The following ENOX2 variants were observed in gnomAD, a reference collection of about 807,000 sequenced individuals.
The protein encoded by ENOX2 is ecto-NOX disulfide-thiol exchanger 2.
Under a neutral mutation model 45.0 loss-of-function variants are expected in ENOX2, and 36 were observed. That is an observed-to-expected ratio of 0.80 (90% confidence interval 0.61 to 1.06). The LOEUF (loss-of-function observed/expected upper bound fraction) is 1.06. Ranked by LOEUF, ENOX2 falls within the 50% of genes least tolerant of loss-of-function variation. The pLI, the probability that ENOX2 is intolerant of heterozygous loss-of-function variation, is 0.00. For missense variants in ENOX2, 423 were observed against 462.5 expected (o/e 0.91, Z 0.78); for synonymous variants, 174 against 152.3 (o/e 1.14, Z -1.05).
intron 2 of ENOX2, among the ~76,000 whole-genome samples, chrX:130,879,063 G>T (rs995733925): frequency 2.7e-5 from 3 of 111,627 alleles, no homozygotes; most frequent in African/African-American, 9.8e-5. Context: ...AACTTCCAAT[G>T]AATAAGCTGG....
At chrX:130,706,715 T>C (rs1410984520) in intron 3 of ENOX2, among the ~76,000 whole-genome samples, 1 of 112,178 alleles carries the variant, frequency 8.9e-6, no homozygotes, top group Admixed American at 9.4e-5. Flanking sequence ...AAGCAGTCTA[T>C]ACAATGACAC....
intron 10 of ENOX2, among the ~76,000 whole-genome samples, chrX:130,648,587 T>C (rs1291674306): frequency 9.0e-6 from 1 of 111,478 alleles, no homozygotes; most frequent in Non-Finnish European, 1.9e-5. Flanking sequence ...AATATTGCTG[T>C]GGTTTGGTTA....
intron 2 of ENOX2, among the ~76,000 whole-genome samples, chrX:130,875,008 G>A (rs948708940): frequency 1.8e-5 from 2 of 111,779 alleles, no homozygotes; most frequent in African/African-American, 6.5e-5. Context: ...AGAAGTGTGT[G>A]AGTCACTAAA....
At chrX:130,693,720 C>T in intron 4 of ENOX2, among the ~76,000 whole-genome samples, 1 of 112,502 alleles carries the variant, frequency 8.9e-6, no homozygotes. Flanking sequence ...ATTCTCCTTC[C>T]ATCAAGGTAA....
intron 2 of ENOX2, among the ~76,000 whole-genome samples, chrX:130,784,738 C>A (rs373209222): frequency 3.3e-3 from 356 of 108,859 alleles, no homozygotes; most frequent in African/African-American, 0.011. Context: ...TAGGCATGCA[C>A]CACCATGCCT....
intron 2 of ENOX2, among the ~76,000 whole-genome samples, chrX:130,797,967 G>T (rs1010115546): frequency 1.8e-5 from 2 of 110,733 alleles, no homozygotes; most frequent in Admixed American, 1.9e-4. Flanking sequence ...AGACTTTAAG[G>T]CAGTGTGTCT....
intron 2 of ENOX2, among the ~76,000 whole-genome samples, chrX:130,798,251 T>C (rs1198430120): frequency 8.9e-6 from 1 of 112,011 alleles, no homozygotes; most frequent in Admixed American, 9.4e-5. Context: ...CGTCCATCTC[T>C]ACAAAAAGTA....
intron 3 of ENOX2, among the ~76,000 whole-genome samples, chrX:130,769,558 C>A (rs950228390): frequency 9.0e-5 from 10 of 111,167 alleles, no homozygotes; most frequent in Non-Finnish European, 1.7e-4. Flanking sequence ...AAATGTAGTC[C>A]CTTTAGAATT....
intron 2 of ENOX2, among the ~76,000 whole-genome samples, chrX:130,878,860 T>C (rs1457518280): frequency 8.9e-6 from 1 of 112,549 alleles, no homozygotes; most frequent in Non-Finnish European, 1.9e-5. Flanking sequence ...GAATCAAAAT[T>C]ACTTTTGATG....
intron 2 of ENOX2, among the ~76,000 whole-genome samples, chrX:130,897,042 G>A (rs2079067755): frequency 1.8e-5 from 2 of 112,001 alleles, no homozygotes; most frequent in Admixed American, 9.4e-5. Flanking sequence ...ACAGATTGCT[G>A]GAAAATACAT....
chrX:130,737,478 AC>A (rs1298968513), intron 3 of ENOX2, among the ~76,000 whole-genome samples: 4 of 112,517 alleles, frequency 3.6e-5, no homozygotes, highest in African/African-American at 1.3e-4. Context: ...ACACACACAC[AC>A]AACTTACTTC....
rs1445641983 is a variant in ENOX2, at chrX:130,624,844, G to A, written c.*470C>T. ...GTGTTATTTATTTACTGGTCTACTG[G>A]GGATTGGAAAGACAATGGCAGTTAC... On this transcript the variant is annotated 3_prime_UTR_variant, in exon 15 of 15. Transcript: ENST00000394363. 1 of 112,784 alleles carries A rather than the reference G, an allele frequency of 8.9e-6. No homozygotes were observed. The highest frequency in any genetic ancestry group is 3.2e-5 in the African/African-American group (1 of 30,925). The allele number at this position is 112,784 out of a possible 1,213,427, so 9.3% of individuals were successfully genotyped here.
intron 3 of ENOX2, among the ~76,000 whole-genome samples, chrX:130,711,412 G>GGGCTTTTGTA (rs2038186641): frequency 9.0e-6 from 1 of 110,730 alleles, no homozygotes; most frequent in Non-Finnish European, 1.9e-5. Flanking sequence ...GAACTGACAG[G>GGGCTTTTGTA]GGCTTTTGTA....
At chrX:130,750,159 G>A (rs770400264) in intron 3 of ENOX2, among the ~76,000 whole-genome samples, 6 of 111,389 alleles carry the variant, frequency 5.4e-5, no homozygotes, top group Non-Finnish European at 7.6e-5. Context: ...CTGTTTAAGT[G>A]TCCCTGTCTA....
chrX:130,867,059 CAT>C (rs2078502509), intron 2 of ENOX2, among the ~76,000 whole-genome samples: 1 of 111,093 alleles, frequency 9.0e-6, no homozygotes, highest in Non-Finnish European at 1.9e-5. Context: ...AAATCAAACA[CAT>C]GTCAACAGAA....
At chrX:130,819,666 T>G (rs891386874) in intron 2 of ENOX2, among the ~76,000 whole-genome samples, 1 of 109,953 alleles carries the variant, frequency 9.1e-6, no homozygotes, top group Admixed American at 9.7e-5. Context: ...TAAGTGGGAG[T>G]TGAACAATGA....
intron 10 of ENOX2, chrX:130,646,069 G>A (rs1355255587): frequency 9.1e-6 from 5 of 550,558 alleles, no homozygotes; most frequent in Non-Finnish European, 1.7e-5. Flanking sequence ...CAGTACTGCT[G>A]CGATGGCTGC....
intron 3 of ENOX2, among the ~76,000 whole-genome samples, chrX:130,752,308 GCTCT>G (rs2039242379): frequency 9.2e-6 from 1 of 108,605 alleles, no homozygotes; most frequent in Non-Finnish European, 1.9e-5. Context: ...CATTTAGTTG[GCTCT>G]CTATCTCTCT....
chrX:130,795,710 C>A (rs762020374), intron 2 of ENOX2, among the ~76,000 whole-genome samples: 1 of 112,037 alleles, frequency 8.9e-6, no homozygotes, highest in African/African-American at 3.2e-5. Context: ...CCCCTAAGTA[C>A]CCTTTGCTTC....
Sources: allele counts gnomAD v4.1 joint callset (sites outside exome capture counted in the v4.1 genomes callset), GRCh38; gene constraint gnomAD v4.1.1; transcripts MANE v1.5; gene names NCBI Gene and HGNC (gene_info 2026-07-23, HGNC 2026-07-21).